Variants in DPF3 observed in about 807,000 individuals in gnomAD.
The protein encoded by DPF3 is double PHD fingers 3, also known as zinc finger protein DPF3.
In DPF3, 18 loss-of-function variants were observed where a neutral mutation model predicts 56.8. The observed-to-expected ratio is 0.32, with a 90% CI of 0.22 to 0.47. The LOEUF (loss-of-function observed/expected upper bound fraction) is 0.47. Among genes scored for constraint, DPF3 ranks in the 20% least tolerant of loss-of-function variants. DPF3 has a pLI of 1.00. For synonymous variants in DPF3, 188 were observed against 180.2 expected, an observed-to-expected ratio of 1.04 and a Z score of -0.35; for missense variants, 403 against 488.8, an observed-to-expected ratio of 0.82 and a Z score of 1.65.
chr14:72,829,274 A>G (rs762667812), intron 1 of DPF3, among the ~76,000 whole-genome samples: 5 of 152,216 alleles, frequency 3.3e-5, no homozygotes, highest in Non-Finnish European at 5.9e-5. Context: ...ACAAGACAAT[A>G]TGTGGTCAAT....
At chr14:72,683,594 C>T (rs996366470) in intron 7 of DPF3, among the ~76,000 whole-genome samples, 1 of 152,148 alleles carries the variant, frequency 6.6e-6, no homozygotes, top group African/African-American at 2.4e-5. Context: ...GGCTATGCAG[C>T]TCAGCTAAGG....
chr14:72,665,638 G>C (rs1567193776), intron 8 of DPF3, among the ~76,000 whole-genome samples: 1 of 152,238 alleles, frequency 6.6e-6, no homozygotes, highest in Non-Finnish European at 1.5e-5. Flanking sequence ...TGAAAAACAA[G>C]ATTGTAGTAC....
At chr14:72,710,738 G>A (rs1163048367) in intron 6 of DPF3, among the ~76,000 whole-genome samples, 1 of 152,310 alleles carries the variant, frequency 6.6e-6, no homozygotes, top group African/African-American at 2.4e-5. Context: ...CTATTCAGTT[G>A]CTTTTTTTGT....
intron 1 of DPF3, among the ~76,000 whole-genome samples, chr14:72,805,606 G>A (rs1215498793): frequency 6.6e-6 from 1 of 152,130 alleles, no homozygotes; most frequent in Non-Finnish European, 1.5e-5. Context: ...AGCACTTTGG[G>A]AGGCCGAGGT....
At chr14:72,778,168 A>G (rs930471358) in intron 1 of DPF3, among the ~76,000 whole-genome samples, 10 of 152,152 alleles carry the variant, frequency 6.6e-5, no homozygotes, top group African/African-American at 2.2e-4. Context: ...ACTGTGACAG[A>G]CAATTATTTA....
chr14:72,717,344 C>T (rs1024564362), intron 5 of DPF3, among the ~76,000 whole-genome samples: 5 of 152,226 alleles, frequency 3.3e-5, no homozygotes, highest in Admixed American at 3.3e-4. Flanking sequence ...CACACCAACA[C>T]CTATATAGCA....
intron 1 of DPF3, chr14:72,892,666 A>C: frequency 9.6e-7 from 1 of 1,047,096 alleles, no homozygotes; most frequent in Non-Finnish European, 1.1e-6. Flanking sequence ...AATTAAAAGA[A>C]CCAGGGTCGA....
chr14:72,752,843 A>C (rs1384969298), intron 3 of DPF3, among the ~76,000 whole-genome samples: 1 of 152,198 alleles, frequency 6.6e-6, no homozygotes, highest in Non-Finnish European at 1.5e-5. Context: ...AAGCTCATAC[A>C]GGGTAAGGGG....
intron 1 of DPF3, among the ~76,000 whole-genome samples, chr14:72,802,564 C>A (rs1045932425): frequency 1.3e-5 from 2 of 152,130 alleles, no homozygotes; most frequent in African/African-American, 2.4e-5. Flanking sequence ...TGAGCACATA[C>A]CTCAAGGCAC....
chr14:72,725,684 A>G lies in DPF3; in HGVS notation c.430-1956T>C, dbSNP rs1889377139. ...GTTGAGAAGGCTGAGACAGTGGCAC[A>G]CACTGCACTGTTGTCTGATAACCAT... On this transcript the variant is annotated intron_variant, in intron 4 of 10. Transcript: ENST00000556509. Among the ~76,000 whole-genome samples, 4 of 152,134 alleles carry G rather than the reference A, an allele frequency of 2.6e-5. No individual in the cohort carries two copies. The South Asian group carries it at 6.2e-4, about 24-fold the overall frequency.
chr14:72,759,584 G>GGGAAGGAAGGAA (rs36112242), intron 2 of DPF3, among the ~76,000 whole-genome samples: 2,208 of 149,892 alleles, frequency 0.015, 19 homozygotes, highest in South Asian at 0.031. Context: ...AGGGAAGAAA[G>GGGAAGGAAGGAA]GGAAGGAAGG....
chr14:72,836,493 T>C, intron 1 of DPF3: 1 of 985,464 alleles, frequency 1.0e-6, no homozygotes, highest in Non-Finnish European at 1.2e-6. Flanking sequence ...AACTAGGTCT[T>C]CCCTTGGGGT....
chr14:72,786,491 T>C (rs1363240126), intron 1 of DPF3, among the ~76,000 whole-genome samples: 1 of 152,228 alleles, frequency 6.6e-6, no homozygotes, highest in Non-Finnish European at 1.5e-5. Flanking sequence ...TCCGTTTACA[T>C]ATTGTCTGTG....
intron 1 of DPF3, among the ~76,000 whole-genome samples, chr14:72,802,872 G>T (rs1371765087): frequency 6.6e-6 from 1 of 152,042 alleles, no homozygotes; most frequent in African/African-American, 2.4e-5. Context: ...TGATAGCCTG[G>T]ACATGGGCAG....
chr14:72,876,719 C>A (rs1469723029), intron 1 of DPF3, among the ~76,000 whole-genome samples: 4 of 152,226 alleles, frequency 2.6e-5, no homozygotes, highest in African/African-American at 7.2e-5. Flanking sequence ...CCGAGCCTAA[C>A]CAGACCCCAC....
chr14:72,806,602 C>T (rs1314416331), intron 1 of DPF3, among the ~76,000 whole-genome samples: 1 of 152,180 alleles, frequency 6.6e-6, no homozygotes. Flanking sequence ...TTTTTCCCCA[C>T]CCGCACTGGG....
At chr14:72,749,130 G>A (rs1346154934) in intron 3 of DPF3, among the ~76,000 whole-genome samples, 6 of 152,230 alleles carry the variant, frequency 3.9e-5, no homozygotes, top group Non-Finnish European at 7.3e-5. Context: ...CATGAAAGCA[G>A]CCAGGAGAAA....
intron 6 of DPF3, among the ~76,000 whole-genome samples, chr14:72,708,946 T>A (rs893461406): frequency 3.3e-5 from 5 of 152,280 alleles, no homozygotes; most frequent in Middle Eastern, 3.4e-3. Flanking sequence ...GGAGGAGCCA[T>A]CCCCTCACGG....
intron 1 of DPF3, among the ~76,000 whole-genome samples, chr14:72,813,826 A>C (rs531386368): frequency 2.0e-5 from 3 of 152,170 alleles, no homozygotes; most frequent in Non-Finnish European, 4.4e-5. Flanking sequence ...TCGAGCACAG[A>C]GATGAGGGGC....
Sources: allele counts gnomAD v4.1 joint callset (sites outside exome capture counted in the v4.1 genomes callset), GRCh38; gene constraint gnomAD v4.1.1; transcripts MANE v1.5; gene names NCBI Gene and HGNC (gene_info 2026-07-23, HGNC 2026-07-21).